Variants in KCNIP4 observed in about 807,000 individuals in gnomAD.
KCNIP4 encodes Kv channel-interacting protein 4.
Under a neutral mutation model 34.0 loss-of-function variants are expected in KCNIP4, and 12 were observed. The ratio of observed to expected loss-of-function variants is 0.35; its 90% CI spans 0.23 to 0.57. The LOEUF (loss-of-function observed/expected upper bound fraction) is 0.57, where lower values mean the gene tolerates loss of function less well. Ranked by LOEUF, KCNIP4 falls within the 20% of genes least tolerant of loss-of-function variation. The probability of loss-of-function intolerance (pLI) is 0.83; values close to 1 mark genes in which losing one functional copy is unlikely to be tolerated. For missense variants in KCNIP4, 238 were observed against 311.7 expected, an observed-to-expected ratio of 0.76 and a Z score of 1.78; for synonymous variants, 124 against 102.2, an observed-to-expected ratio of 1.21 and a Z score of -1.29.
intron 1 of KCNIP4, among the ~76,000 whole-genome samples, chr4:21,454,640 A>T (rs1728772702): frequency 1.3e-5 from 2 of 152,134 alleles, no homozygotes; most frequent in Non-Finnish European, 2.9e-5. Context: ...GAAGCATTAG[A>T]AAAGGCATCC....
chr4:20,977,216 G>T (rs908498895), intron 1 of KCNIP4, among the ~76,000 whole-genome samples: 2 of 152,088 alleles, frequency 1.3e-5, no homozygotes, highest in Non-Finnish European at 2.9e-5. Flanking sequence ...ACCTATTACA[G>T]CTTTTGTCTC....
At chr4:21,805,527 C>T (rs1721240789) in intron 1 of KCNIP4, among the ~76,000 whole-genome samples, 1 of 152,114 alleles carries the variant, frequency 6.6e-6, no homozygotes. Context: ...AACTGTGAGT[C>T]CATTAAACAT....
chr4:21,429,411 G>A (rs143787672), intron 1 of KCNIP4, among the ~76,000 whole-genome samples: 2 of 152,174 alleles, frequency 1.3e-5, no homozygotes, highest in East Asian at 3.9e-4. Context: ...TTTCTTCCAA[G>A]TTTTGGCAAT....
Position 21,447,751 on chromosome 4 carries a change from G to C in KCNIP4, c.61+500820C>G, listed in dbSNP as rs951816186. Among the ~76,000 whole-genome samples the C allele has an allele frequency of 2.8e-4, 43 of 152,196 alleles. 1 individual carries two copies. Among genetic ancestry groups the C allele is most frequent in the South Asian group, 6.2e-4 (3 of 4,824 alleles). On this transcript the variant is annotated intron_variant, in intron 1 of 8. Transcript: ENST00000382152. The stretch of plus-strand genomic sequence containing the variant: ...TGTCTTTCTCAAAATATCTTATTAT[G>C]TTGTACTCACCCTTTTTTTCTTGTG...
chr4:21,256,909 G>GGT (rs1166629206), intron 1 of KCNIP4, among the ~76,000 whole-genome samples: 5 of 152,118 alleles, frequency 3.3e-5, no homozygotes, highest in Non-Finnish European at 7.4e-5. Flanking sequence ...GTTGCTGAAT[G>GGT]TGCTTTCTAA....
intron 1 of KCNIP4, among the ~76,000 whole-genome samples, chr4:21,300,268 A>G (rs1304196434): frequency 6.6e-6 from 1 of 152,098 alleles, no homozygotes; most frequent in Admixed American, 6.5e-5. Context: ...ACAGAAAACC[A>G]CTTTCATTTT....
intron 5 of KCNIP4, among the ~76,000 whole-genome samples, chr4:20,744,779 T>C (rs1389719448): frequency 6.6e-6 from 1 of 151,892 alleles, no homozygotes; most frequent in Non-Finnish European, 1.5e-5. Context: ...ATAATAAAAA[T>C]ATAAAATAAA....
At chr4:20,796,252 A>G (rs1275761747) in intron 3 of KCNIP4, among the ~76,000 whole-genome samples, 1 of 152,178 alleles carries the variant, frequency 6.6e-6, no homozygotes, top group Non-Finnish European at 1.5e-5. Flanking sequence ...TTAGTGGCCA[A>G]TCACTTGTCT....
At position 21,112,858 on chromosome 4, in the gene KCNIP4, C is replaced by CT. The variant is rs1020104899; in HGVS notation, c.62-230150dup. Reference sequence around the variant, plus strand: ...CTAGGATTGATATAACTATTTTTCCCTTTTTTTTTTCTCCAATAGCCAGGG... The same window carrying CT: ...CTAGGATTGATATAACTATTTTTCCCTTTTTTTTTTTCTCCAATAGCCAGGG... On this transcript the variant is annotated intron_variant, in intron 1 of 8. Transcript: ENST00000382152. Among the ~76,000 whole-genome samples the CT allele has an allele frequency of 8.0e-5, 12 of 150,700 alleles. No homozygotes were observed. In the South Asian group the frequency reaches 1.5e-3, roughly 19 times the overall value.
intron 1 of KCNIP4, among the ~76,000 whole-genome samples, chr4:21,569,267 C>CAAAAAAAA (rs1740172951): frequency 5.0e-5 from 2 of 40,352 alleles, no homozygotes; most frequent in African/African-American, 1.1e-4. Context: ...AAAAAAAAAG[C>CAAAAAAAA]TTGATTGACA....
At chr4:20,741,936 GAACACCT>G in intron 5 of KCNIP4, among the ~76,000 whole-genome samples, 4 of 152,248 alleles carry the variant, frequency 2.6e-5, no homozygotes, top group Admixed American at 2.6e-4. Flanking sequence ...AGAATACGAT[GAACACCT>G]CTATGCGAAT....
At chr4:21,762,602 G>A (rs1395194126) in intron 1 of KCNIP4, among the ~76,000 whole-genome samples, 1 of 152,012 alleles carries the variant, frequency 6.6e-6, no homozygotes, top group East Asian at 1.9e-4. Context: ...AAAGCCAAGG[G>A]TACTGTTCCT....
chr4:20,870,977 C>A (rs531081455), intron 2 of KCNIP4, among the ~76,000 whole-genome samples: 1 of 152,216 alleles, frequency 6.6e-6, no homozygotes, highest in Non-Finnish European at 1.5e-5. Flanking sequence ...GCACTTGTCA[C>A]CTCTGATGGC....
intron 1 of KCNIP4, among the ~76,000 whole-genome samples, chr4:21,400,547 TC>T (rs879670559): frequency 0.011 from 1,135 of 104,404 alleles, 25 homozygotes; most frequent in Admixed American, 0.014. Context: ...TCTCTTCTCT[TC>T]TCTTCTCTTC....
At chr4:21,524,168 C>T (rs1162481609) in intron 1 of KCNIP4, among the ~76,000 whole-genome samples, 1 of 152,028 alleles carries the variant, frequency 6.6e-6, no homozygotes, top group Non-Finnish European at 1.5e-5. Context: ...CTTCTCTGCT[C>T]ACTCCTATTT....
In KCNIP4 at chr4:21,891,308, C is replaced by G. The variant is rs191875688; in HGVS notation, c.61+57263G>C. ...TGCCATTCATGAATCTCACCTCCCC[C>G]CTTGCTCCTTGGATCAACAACCTGG... On this transcript the variant is annotated intron_variant, in intron 1 of 8. Coordinates refer to ENST00000382152, the MANE Select transcript of KCNIP4 (RefSeq NM_025221.6). Among the ~76,000 whole-genome samples, 517 of 152,206 alleles carry G rather than the reference C, an allele frequency of 3.4e-3. 2 individuals carry two copies. Among genetic ancestry groups the G allele is most frequent in the Middle Eastern group, 0.01 (3 of 294 alleles).
intron 1 of KCNIP4, among the ~76,000 whole-genome samples, chr4:21,501,902 T>C (rs1733388640): frequency 6.6e-6 from 1 of 151,446 alleles, no homozygotes. Context: ...TCTCTCTATC[T>C]CTCCATAGCT....
At chr4:21,630,050 G>A (rs1745633121) in intron 1 of KCNIP4, among the ~76,000 whole-genome samples, 1 of 146,762 alleles carries the variant, frequency 6.8e-6, no homozygotes, top group African/African-American at 2.5e-5. Context: ...TTTTTGTAGA[G>A]ACGAGGTCTA....
intron 1 of KCNIP4, among the ~76,000 whole-genome samples, chr4:21,367,379 G>C (rs758588560): frequency 2.6e-5 from 4 of 152,030 alleles, no homozygotes; most frequent in Admixed American, 2.6e-4. Flanking sequence ...TTTCTATCTT[G>C]TTGTATGCTG....
Sources: gnomAD v4.1 joint callset for allele counts (sites outside exome capture counted in the v4.1 genomes callset) on GRCh38, gnomAD v4.1.1 for gene constraint, MANE v1.5 for transcripts, NCBI Gene and HGNC (gene_info 2026-07-23, HGNC 2026-07-21) for gene names.